The following RABGAP1L variants were observed in gnomAD, a reference collection of about 807,000 sequenced individuals.
RABGAP1L encodes the protein RAB GTPase activating protein 1 like, also known as rab GTPase-activating protein 1-like.
In RABGAP1L, 63 loss-of-function variants were observed where a neutral mutation model predicts 137.7. The ratio of observed to expected loss-of-function variants is 0.46; its 90% CI spans 0.37 to 0.56. The LOEUF (loss-of-function observed/expected upper bound fraction) is 0.56. Among genes scored for constraint, RABGAP1L ranks in the 20% least tolerant of loss-of-function variants. RABGAP1L has a pLI of 0.00. For missense variants in RABGAP1L, 1,095 were observed against 1,244.0 expected, an observed-to-expected ratio of 0.88 and a Z score of 1.80; for synonymous variants, 431 against 433.7, an observed-to-expected ratio of 0.99 and a Z score of 0.08.
chr1:174,454,072 G>T (rs938293732), intron 13 of RABGAP1L, among the ~76,000 whole-genome samples: 1 of 152,040 alleles, frequency 6.6e-6, no homozygotes. Context: ...AAGCCATCCC[G>T]GCCAAAATGG....
At chr1:174,979,847 A>T (rs1670944170) in intron 23 of RABGAP1L, among the ~76,000 whole-genome samples, 1 of 152,106 alleles carries the variant, frequency 6.6e-6, no homozygotes, top group Non-Finnish European at 1.5e-5. Flanking sequence ...CATTGCTGAG[A>T]CCCTGAGTTA....
intron 18 of RABGAP1L, among the ~76,000 whole-genome samples, chr1:174,808,342 T>C (rs1046163003): frequency 8.5e-5 from 13 of 152,054 alleles, no homozygotes; most frequent in African/African-American, 2.9e-4. Flanking sequence ...TAGTCCTGGC[T>C]ACTCGGGAGC....
intron 14 of RABGAP1L, among the ~76,000 whole-genome samples, chr1:174,675,466 G>C (rs561437220): frequency 2.0e-5 from 3 of 151,884 alleles, no homozygotes; most frequent in South Asian, 2.1e-4. Context: ...TTTGGTACCA[G>C]TACCATGCTG....
intron 17 of RABGAP1L, among the ~76,000 whole-genome samples, chr1:174,750,106 T>A (rs540959161): frequency 5.1e-4 from 78 of 152,284 alleles, no homozygotes; most frequent in South Asian, 5.0e-3. Flanking sequence ...CCTGACCTCG[T>A]GATCCGCCTG....
At chr1:174,860,192 A>G (rs1483749925) in intron 19 of RABGAP1L, among the ~76,000 whole-genome samples, 2 of 152,230 alleles carry the variant, frequency 1.3e-5, no homozygotes, top group East Asian at 3.9e-4. Context: ...GAAAATCAGG[A>G]AGGAGATGAT....
At chr1:174,875,726 T>A in intron 19 of RABGAP1L, 1 of 979,102 alleles carries the variant, frequency 1.0e-6, no homozygotes, top group Non-Finnish European at 1.2e-6. Context: ...ATGAACTGCC[T>A]GGACACCTTA....
intron 21 of RABGAP1L, among the ~76,000 whole-genome samples, chr1:174,972,037 T>G (rs569975626): frequency 6.6e-6 from 1 of 152,236 alleles, no homozygotes; most frequent in Non-Finnish European, 1.5e-5. Flanking sequence ...CTTCCTCTCT[T>G]GAGAACTCGC....
At chr1:174,401,806 G>GGTAT (rs1648619030) in intron 13 of RABGAP1L, among the ~76,000 whole-genome samples, 1 of 152,144 alleles carries the variant, frequency 6.6e-6, no homozygotes, top group African/African-American at 2.4e-5. Context: ...CTGTGACACA[G>GGTAT]GTATGAGCAA....
chr1:174,620,050 A>G (rs1451213143), intron 13 of RABGAP1L, among the ~76,000 whole-genome samples: 1 of 152,232 alleles, frequency 6.6e-6, no homozygotes, highest in African/African-American at 2.4e-5. Flanking sequence ...GAAGGCCATT[A>G]CATAATGGTA....
intron 13 of RABGAP1L, chr1:174,449,076 G>A: frequency 6.2e-7 from 1 of 1,614,084 alleles, no homozygotes. Flanking sequence ...CTCTCCAACA[G>A]CGTTTTCCGG....
At chr1:174,917,260 A>T (rs1396229146) in intron 19 of RABGAP1L, among the ~76,000 whole-genome samples, 2 of 152,230 alleles carry the variant, frequency 1.3e-5, no homozygotes, top group Admixed American at 6.5e-5. Context: ...ATATCAGGGA[A>T]AATGCACACT....
Position 174,524,205 on chromosome 1 carries a change from TTG to T in RABGAP1L, c.1711-113168_1711-113167del, listed in dbSNP as rs1257492936. On this transcript the variant is annotated intron_variant, in intron 13 of 25. Coordinates refer to ENST00000681986, the MANE Select transcript of RABGAP1L (RefSeq NM_001366446.1). ...TCTATTGTTGTTGTTGTTGTTGTTG[TTG>T]TTTTTTTAAGAAATCTCTATACCGT... 3.8e-3 allele frequency among the ~76,000 whole-genome samples: 579 copies of T among 150,504 alleles called. 5 individuals are homozygous for T. The highest frequency in any genetic ancestry group is 0.012 in the African/African-American group (498 of 41,048).
intron 13 of RABGAP1L, among the ~76,000 whole-genome samples, chr1:174,441,460 T>C (rs1430854591): frequency 6.6e-6 from 1 of 152,114 alleles, no homozygotes; most frequent in Non-Finnish European, 1.5e-5. Context: ...GTCAGCCAGG[T>C]GTGGTGTCTC....
At chr1:174,659,599 T>C (rs571372845) in intron 14 of RABGAP1L, among the ~76,000 whole-genome samples, 1 of 152,356 alleles carries the variant, frequency 6.6e-6, no homozygotes, top group Admixed American at 6.5e-5. Context: ...ATTTATTGCA[T>C]TGGTAGCCTC....
At chr1:174,241,701 G>T in intron 5 of RABGAP1L, 44 bp downstream of exon 5, 1 of 1,443,500 alleles carries the variant, frequency 6.9e-7, no homozygotes, top group Non-Finnish European at 9.4e-7. Flanking sequence ...AGATGAATTA[G>T]GGTAATATTT....
At position 174,262,224 on chromosome 1, in the gene RABGAP1L, G is replaced by A. The variant is rs146747154; in HGVS notation, c.986+9634G>A. Among the ~76,000 whole-genome samples the A allele has an allele frequency of 1.4e-3, 211 of 152,306 alleles. 2 individuals carry two copies. Among genetic ancestry groups the A allele is most frequent in the Non-Finnish European group, 2.4e-3 (163 of 68,022 alleles). ...ACTCTCAGCCTTTGAACTGAAACTT[G>A]TAATCAGGACAGAATTTTCAGCATC... On this transcript the variant is annotated intron_variant, in intron 7 of 25. Coordinates refer to ENST00000681986, the MANE Select transcript of RABGAP1L (RefSeq NM_001366446.1).
intron 1 of RABGAP1L, among the ~76,000 whole-genome samples, chr1:174,200,732 G>A (rs1214292107): frequency 6.6e-6 from 1 of 152,030 alleles, no homozygotes; most frequent in Non-Finnish European, 1.5e-5. Context: ...TTCTAGTCAC[G>A]TTGAACCTTG....
chr1:174,221,995 T>TG (rs1491163568), intron 3 of RABGAP1L, among the ~76,000 whole-genome samples: 9 of 81,192 alleles, frequency 1.1e-4, no homozygotes, highest in African/African-American at 3.6e-4. Context: ...GCCTAGCTAA[T>TG]TTTTTTTTTT....
intron 13 of RABGAP1L, among the ~76,000 whole-genome samples, chr1:174,436,699 C>T (rs1005731393): frequency 3.3e-5 from 5 of 152,248 alleles, no homozygotes; most frequent in Admixed American, 2.6e-4. Flanking sequence ...GTTGCCATTG[C>T]TTTTGGTGTT....
Sources: gnomAD v4.1 joint callset for allele counts (sites outside exome capture counted in the v4.1 genomes callset) on GRCh38, gnomAD v4.1.1 for gene constraint, MANE v1.5 for transcripts, NCBI Gene and HGNC (gene_info 2026-07-23, HGNC 2026-07-21) for gene names.